QTMAN: variants seen among roughly 807,000 people sequenced by gnomAD.
The protein encoded by QTMAN is tRNA-queuosine alpha-mannosyltransferase.
the QTMAN span, among the ~76,000 whole-genome samples, chr2:144,092,956 T>C: frequency 7.3e-5 from 11 of 150,630 alleles, no homozygotes; most frequent in Non-Finnish European, 1.2e-4. Flanking sequence ...ATAAACAACA[T>C]ATGAAAGTCC....
chr2:144,208,506 A>G, the QTMAN span: 1 of 1,015,990 alleles, frequency 9.8e-7, no homozygotes, highest in Non-Finnish European at 1.5e-6. Flanking sequence ...CCAATTCCAT[A>G]GTTGGAGAAA....
chr2:143,971,691 GT>G, the QTMAN span, among the ~76,000 whole-genome samples: 1 of 151,764 alleles, frequency 6.6e-6, no homozygotes. Context: ...CAAAATATTT[GT>G]TTTTTATTTA....
At chr2:144,309,729 TA>T in the QTMAN span, among the ~76,000 whole-genome samples, 1 of 152,170 alleles carries the variant, frequency 6.6e-6, no homozygotes, top group Non-Finnish European at 1.5e-5. Flanking sequence ...ACATTTAAAA[TA>T]AGCACATTTT....
chr2:144,305,958 T>C, the QTMAN span, among the ~76,000 whole-genome samples: 1 of 152,224 alleles, frequency 6.6e-6, no homozygotes, highest in Non-Finnish European at 1.5e-5. Context: ...GGTGATTCCT[T>C]AGGATTTTCT....
chr2:144,247,038 A>G, the QTMAN span, among the ~76,000 whole-genome samples: 50 of 152,332 alleles, frequency 3.3e-4, no homozygotes, highest in South Asian at 1.4e-3. Flanking sequence ...CTGTCACAAA[A>G]CCTTTCTCAG....
the QTMAN span, among the ~76,000 whole-genome samples, chr2:144,240,733 C>T: frequency 6.6e-6 from 1 of 152,228 alleles, no homozygotes; most frequent in Non-Finnish European, 1.5e-5. Flanking sequence ...ACAGTCCACA[C>T]AAACAAGTAG....
the QTMAN span, among the ~76,000 whole-genome samples, chr2:144,327,128 C>T: frequency 1.1e-4 from 17 of 152,258 alleles, no homozygotes; most frequent in East Asian, 3.1e-3. Context: ...AAAGTTTTCA[C>T]AAAAACCCAA....
chr2:144,045,687 T>C, the QTMAN span, among the ~76,000 whole-genome samples: 10 of 152,172 alleles, frequency 6.6e-5, no homozygotes, highest in African/African-American at 1.2e-4. Context: ...AAGTATTAGT[T>C]GTAACTAACA....
the QTMAN span, among the ~76,000 whole-genome samples, chr2:144,206,201 T>G: frequency 3.6e-4 from 55 of 152,328 alleles, no homozygotes; most frequent in African/African-American, 1.3e-3. Context: ...CTCGTATTTG[T>G]TCAGAGTATT....
the QTMAN span, among the ~76,000 whole-genome samples, chr2:144,241,517 A>G: frequency 6.6e-6 from 1 of 152,254 alleles, no homozygotes; most frequent in Non-Finnish European, 1.5e-5. Flanking sequence ...TTACACCAAA[A>G]GATGATGAAC....
chr2:144,129,099 T>C, the QTMAN span, among the ~76,000 whole-genome samples: 27 of 151,894 alleles, frequency 1.8e-4, no homozygotes, highest in Non-Finnish European at 3.7e-4. Context: ...GGATTCCGTA[T>C]TATAAAATAA....
chr2:144,222,717 A>G, the QTMAN span, among the ~76,000 whole-genome samples: 1,304 of 152,224 alleles, frequency 8.6e-3, 18 homozygotes, highest in African/African-American at 0.03. Flanking sequence ...CTGAGGCAGG[A>G]GAATGGAGTG....
chr2:144,291,417 A>C, the QTMAN span, among the ~76,000 whole-genome samples: 1 of 152,130 alleles, frequency 6.6e-6, no homozygotes, highest in African/African-American at 2.4e-5. Flanking sequence ...ATTGTTTTGC[A>C]CCCTCACCCT....
At chr2:144,083,558 T>G in the QTMAN span, among the ~76,000 whole-genome samples, 9 of 152,308 alleles carry the variant, frequency 5.9e-5, no homozygotes, top group Admixed American at 5.9e-4. Context: ...AAAGCCTTAA[T>G]TTTCTCAGCT....
the QTMAN span, among the ~76,000 whole-genome samples, chr2:144,212,017 C>T: frequency 2.6e-5 from 4 of 152,316 alleles, no homozygotes; most frequent in East Asian, 7.7e-4. Flanking sequence ...GACAGGGTTT[C>T]CTTTGTAGAA....
the QTMAN span, among the ~76,000 whole-genome samples, chr2:144,316,228 C>T: frequency 1.3e-5 from 2 of 151,608 alleles, no homozygotes; most frequent in African/African-American, 4.9e-5. Flanking sequence ...CAGAGTGAAA[C>T]CCTATCTCAA....
At chr2:144,223,659 G>T in the QTMAN span, among the ~76,000 whole-genome samples, 2 of 152,234 alleles carry the variant, frequency 1.3e-5, no homozygotes, top group South Asian at 4.1e-4. Context: ...ATAGACTTAA[G>T]ATTTCTAGAA....
the QTMAN span, among the ~76,000 whole-genome samples, chr2:144,010,521 T>A: frequency 1.3e-5 from 2 of 152,050 alleles, no homozygotes; most frequent in Admixed American, 6.6e-5. Context: ...CATGCTGAAT[T>A]GGACAAGATG....
the QTMAN span, chr2:144,006,534 A>T: frequency 6.6e-6 from 1 of 152,128 alleles, no homozygotes; most frequent in Non-Finnish European, 1.5e-5. Context: ...ATACCAGAAG[A>T]TTATCAGGAC....
Sources: gnomAD v4.1 joint callset for allele counts (sites outside exome capture counted in the v4.1 genomes callset) on GRCh38, gnomAD v4.1.1 for gene constraint, MANE v1.5 for transcripts, NCBI Gene and HGNC (gene_info 2026-07-23, HGNC 2026-07-21) for gene names.